Variants in SLC24A1 observed in about 807,000 individuals in gnomAD.
SLC24A1 encodes the protein solute carrier family 24 member 1.
Under a neutral mutation model 88.1 loss-of-function variants are expected in SLC24A1, and 52 were observed. The ratio of observed to expected loss-of-function variants is 0.59; its 90% CI spans 0.47 to 0.74. The LOEUF is 0.74. SLC24A1 is among the 30% of genes least tolerant of loss of function. SLC24A1 has a pLI of 0.00. For synonymous variants in SLC24A1, 455 were observed against 498.0 expected (o/e 0.91, Z 1.15); for missense variants, 1,173 against 1,363.3 (o/e 0.86, Z 2.20).
chr15:65,645,656 C>G lies in SLC24A1; in HGVS notation c.2185C>G (p.Pro729Ala). The change falls in exon 6 of 10, where the codon CCT (proline) becomes GCT (alanine). Residue 729 changes from proline to alanine, a missense_variant. Physicochemically the swap from Pro to Ala is conservative, Grantham distance 27. Transcript: ENST00000261892. Reference protein sequence around the residue: ...KLPAVTVTPAPVPDIKGDQKE... With the variant: ...KLPAVTVTPAAVPDIKGDQKE... ...CCCTGCGGTCACGGTCACACCAGCC[C>G]CTGTTCCAGACATCAAGGGAGATCA... is the stretch of plus-strand genomic sequence containing the variant. 1 of 1,580,886 alleles carries G rather than the reference C, an allele frequency of 6.3e-7. No homozygotes were observed. Among genetic ancestry groups the G allele is most frequent in the Non-Finnish European group, 8.6e-7 (1 of 1,163,378 alleles).
chr15:65,654,459 G>T lies in SLC24A1; in HGVS notation c.*380G>T. The T allele has an allele frequency of 8.6e-7, 1 of 1,161,258 alleles. No homozygotes were observed. Among genetic ancestry groups the T allele is most frequent in the South Asian group, 1.8e-5 (1 of 56,098 alleles). The allele number at this position is 1,161,258 out of a possible 1,614,324, so 71.9% of individuals were successfully genotyped here. A position where few individuals can be genotyped will look rare whatever the true frequency, so the allele number is the denominator to read the frequency against. ...CTGTTCCCTGATCATTCCAAAGGCTGCTGGCCCAAAAGATGCAGATGTGGT... is the reference window on the plus strand; with the variant it reads ...CTGTTCCCTGATCATTCCAAAGGCTTCTGGCCCAAAAGATGCAGATGTGGT... On this transcript the variant is annotated 3_prime_UTR_variant, in exon 10 of 10. Transcript: ENST00000261892.
chr15:65,612,470 T>G (rs552057786), intron 1 of SLC24A1: 2 of 152,422 alleles, frequency 1.3e-5, no homozygotes, highest in African/African-American at 4.8e-5. Context: ...GCTTGTAGTT[T>G]TTTCCTGTCC....
upstream of SLC24A1, among the ~76,000 whole-genome samples, chr15:65,619,573 G>A (rs1339861537): frequency 1.3e-5 from 2 of 151,718 alleles, no homozygotes; most frequent in East Asian, 1.9e-4. Context: ...AATTTGCGAC[G>A]CTTTCAAATC....
Sources: allele counts gnomAD v4.1 joint callset (sites outside exome capture counted in the v4.1 genomes callset), GRCh38; gene constraint gnomAD v4.1.1; transcripts MANE v1.5; gene names NCBI Gene and HGNC (gene_info 2026-07-23, HGNC 2026-07-21).